The following MEGF11 variants were observed in gnomAD, a reference collection of about 807,000 sequenced individuals.
MEGF11 encodes multiple EGF like domains 11, also known as multiple epidermal growth factor-like domains protein 11.
A neutral mutation model predicts 146.6 loss-of-function variants in MEGF11; 126 were observed. The observed-to-expected ratio is 0.86, with a 90% confidence interval of 0.74 to 1.00. The LOEUF (loss-of-function observed/expected upper bound fraction) is 1.00. Ranked by LOEUF, MEGF11 falls within the 50% of genes least tolerant of loss-of-function variation. MEGF11 has a pLI of 0.00. For missense variants in MEGF11, 1,509 were observed against 1,521.2 expected (o/e 0.99, Z 0.13); for synonymous variants, 532 against 583.4 (o/e 0.91, Z 1.27).
chr15:66,080,479 T>A (rs2140534119), intron 5 of MEGF11, among the ~76,000 whole-genome samples: 1 of 152,132 alleles, frequency 6.6e-6, no homozygotes, highest in South Asian at 2.1e-4. Context: ...TCCTCCTCCC[T>A]CCTCTCTGTG....
At chr15:66,178,835 G>A (rs945906661) in intron 1 of MEGF11, among the ~76,000 whole-genome samples, 18 of 152,076 alleles carry the variant, frequency 1.2e-4, no homozygotes, top group African/African-American at 4.1e-4. Flanking sequence ...AAGAAGAAGT[G>A]ATTCGGAAAA....
intron 12 of MEGF11, among the ~76,000 whole-genome samples, 179 bp from the exon 13 acceptor site, chr15:65,928,706 A>G (rs893073876): frequency 6.6e-6 from 1 of 152,124 alleles, no homozygotes; most frequent in Non-Finnish European, 1.5e-5. Context: ...CTGGGGCACA[A>G]TGGGGACACG....
At chr15:65,925,003 A>G (rs1025679784) in intron 13 of MEGF11, among the ~76,000 whole-genome samples, 2 of 152,166 alleles carry the variant, frequency 1.3e-5, no homozygotes, top group African/African-American at 2.4e-5. Context: ...TGTTCCTTGC[A>G]CTGAGGTGGA....
At chr15:66,016,413 C>T (rs1397478019) in intron 5 of MEGF11, among the ~76,000 whole-genome samples, 8 of 151,472 alleles carry the variant, frequency 5.3e-5, no homozygotes, top group South Asian at 2.1e-4. Context: ...AGTTTTCTAA[C>T]GACCGCAAAA....
At chr15:65,947,723 G>T (rs911505142) in intron 10 of MEGF11, among the ~76,000 whole-genome samples, 1 of 152,216 alleles carries the variant, frequency 6.6e-6, no homozygotes, top group African/African-American at 2.4e-5. Context: ...CTGGGAGCCA[G>T]CAGAAGCCCC....
intron 23 of MEGF11, 69 bp from the exon 24 acceptor site, chr15:65,906,210 C>CT: frequency 1.4e-5 from 17 of 1,174,268 alleles, no homozygotes; most frequent in Non-Finnish European, 2.0e-5. Flanking sequence ...TTGTGTTCTT[C>CT]TTTCTTTTCT....
At chr15:66,024,652 G>A (rs2083268354) in intron 5 of MEGF11, among the ~76,000 whole-genome samples, 1 of 152,204 alleles carries the variant, frequency 6.6e-6, no homozygotes, top group Non-Finnish European at 1.5e-5. Context: ...GGCTCAGAGA[G>A]GTGAAGTAAA....
At chr15:66,084,344 G>A (rs1156473618) in intron 5 of MEGF11, among the ~76,000 whole-genome samples, 1 of 152,202 alleles carries the variant, frequency 6.6e-6, no homozygotes, top group Non-Finnish European at 1.5e-5. Context: ...TGCAGCCCCG[G>A]ACAATGCGGC....
At chr15:66,119,349 G>T (rs776307686) in intron 3 of MEGF11, among the ~76,000 whole-genome samples, 163 bp from the exon 4 acceptor site, 1 of 152,208 alleles carries the variant, frequency 6.6e-6, no homozygotes, top group African/African-American at 2.4e-5. Flanking sequence ...TCAATAGTGG[G>T]ATTTGGGCTG....
chr15:66,054,609 G>A (rs903664942), intron 5 of MEGF11, among the ~76,000 whole-genome samples: 11 of 152,320 alleles, frequency 7.2e-5, no homozygotes, highest in African/African-American at 2.6e-4. Context: ...CCTGGAAAAT[G>A]GAGTGAGCAC....
intron 1 of MEGF11, among the ~76,000 whole-genome samples, chr15:66,220,046 T>C (rs973578396): frequency 6.6e-6 from 1 of 152,158 alleles, no homozygotes; most frequent in Admixed American, 6.5e-5. Context: ...CTAAATCCAA[T>C]GACTGGTGTC....
chr15:66,120,396 C>A (rs1480055728), intron 3 of MEGF11, among the ~76,000 whole-genome samples: 1 of 152,184 alleles, frequency 6.6e-6, no homozygotes, highest in Non-Finnish European at 1.5e-5. Flanking sequence ...GGCCTTGAAG[C>A]CAGACCTCTT....
chr15:66,211,582 G>T (rs1217879549), intron 1 of MEGF11, among the ~76,000 whole-genome samples: 1 of 151,540 alleles, frequency 6.6e-6, no homozygotes, highest in Non-Finnish European at 1.5e-5. Context: ...GAAGCCGAGG[G>T]TCTCTCAGCC....
At chr15:66,162,108 T>C (rs2089969751) in intron 1 of MEGF11, among the ~76,000 whole-genome samples, 1 of 152,128 alleles carries the variant, frequency 6.6e-6, no homozygotes, top group Non-Finnish European at 1.5e-5. Context: ...GAACCATGCG[T>C]GATAAGTGCC....
At chr15:66,095,721 T>C (rs2086517029) in intron 4 of MEGF11, among the ~76,000 whole-genome samples, 3 of 152,196 alleles carry the variant, frequency 2.0e-5, no homozygotes, top group Admixed American at 6.5e-5. Context: ...CATGCCCCAC[T>C]GGTCAGTGGT....
intron 1 of MEGF11, among the ~76,000 whole-genome samples, chr15:66,243,935 C>T (rs1040137731): frequency 3.3e-5 from 5 of 152,180 alleles, no homozygotes; most frequent in African/African-American, 7.2e-5. Context: ...GGCCACCTCA[C>T]GTGGTCCACA....
intron 1 of MEGF11, among the ~76,000 whole-genome samples, chr15:66,180,055 C>T (rs1159092371): frequency 2.0e-5 from 3 of 151,812 alleles, no homozygotes; most frequent in Non-Finnish European, 4.4e-5. Flanking sequence ...CCCAAAGGAA[C>T]AAAAAAGGAG....
intron 8 of MEGF11, among the ~76,000 whole-genome samples, chr15:65,967,921 GC>G (rs2081164098): frequency 6.6e-6 from 1 of 152,270 alleles, no homozygotes; most frequent in Middle Eastern, 3.4e-3. Context: ...CCTGTCCCCA[GC>G]CCCTGGAGCA....
intron 1 of MEGF11, among the ~76,000 whole-genome samples, chr15:66,216,058 C>G (rs2091574092): frequency 6.6e-6 from 1 of 152,142 alleles, no homozygotes; most frequent in Admixed American, 6.5e-5. Flanking sequence ...GAGTTCATAG[C>G]AGAACAGGCG....
Sources: allele counts gnomAD v4.1 joint callset (sites outside exome capture counted in the v4.1 genomes callset), GRCh38; gene constraint gnomAD v4.1.1; transcripts MANE v1.5; gene names NCBI Gene and HGNC (gene_info 2026-07-23, HGNC 2026-07-21).